ZNF804B: variants seen among roughly 807,000 people sequenced by gnomAD.
The protein encoded by ZNF804B is zinc finger protein 804B.
Under a neutral mutation model 101.4 loss-of-function variants are expected in ZNF804B, and 80 were observed. The observed-to-expected ratio is 0.79, with a 90% CI of 0.66 to 0.95. ZNF804B has a LOEUF of 0.95. ZNF804B is among the 40% of genes least tolerant of loss of function. The pLI is 0.00. For missense variants in ZNF804B, 1,673 were observed against 1,561.9 expected, an observed-to-expected ratio of 1.07 and a Z score of -1.20; for synonymous variants, 622 against 558.8, an observed-to-expected ratio of 1.11 and a Z score of -1.59.
intron 1 of ZNF804B, among the ~76,000 whole-genome samples, chr7:89,200,379 C>T (rs564210904): frequency 6.6e-6 from 1 of 151,890 alleles, no homozygotes; most frequent in Admixed American, 6.6e-5. Flanking sequence ...TTATTTCCAC[C>T]CTTAGGATTC....
At chr7:89,052,527 A>T (rs1789222967) in intron 1 of ZNF804B, among the ~76,000 whole-genome samples, 1 of 152,170 alleles carries the variant, frequency 6.6e-6, no homozygotes, top group Admixed American at 6.6e-5. Context: ...GAACATTACA[A>T]TTTAAAAGTA....
intron 1 of ZNF804B, among the ~76,000 whole-genome samples, chr7:89,032,341 G>A (rs2116233128): frequency 6.6e-6 from 1 of 151,684 alleles, no homozygotes; most frequent in African/African-American, 2.4e-5. Flanking sequence ...ATGAGTTAAG[G>A]GGGATAAATT....
intron 1 of ZNF804B, among the ~76,000 whole-genome samples, chr7:88,992,045 T>C (rs1793855477): frequency 6.6e-6 from 1 of 152,130 alleles, no homozygotes; most frequent in Non-Finnish European, 1.5e-5. Flanking sequence ...TTCTTCTATA[T>C]CAGCTCTTTC....
intron 1 of ZNF804B, among the ~76,000 whole-genome samples, chr7:89,193,289 G>C (rs534075320): frequency 1.2e-3 from 169 of 145,624 alleles, no homozygotes; most frequent in Admixed American, 1.9e-3. Flanking sequence ...TTTTTTTATA[G>C]TCTACTTTCT....
chr7:88,791,418 C>T (rs2115683553), intron 1 of ZNF804B, among the ~76,000 whole-genome samples: 1 of 152,110 alleles, frequency 6.6e-6, no homozygotes, highest in African/African-American at 2.4e-5. Flanking sequence ...TCATAGTGAG[C>T]CTTCATGAAT....
intron 2 of ZNF804B, among the ~76,000 whole-genome samples, chr7:89,230,193 A>G (rs1426833980): frequency 6.6e-6 from 1 of 152,024 alleles, no homozygotes; most frequent in Non-Finnish European, 1.5e-5. Flanking sequence ...CAATAACACT[A>G]AAAATAAGAA....
chr7:89,088,558 G>T (rs908531753), intron 1 of ZNF804B, among the ~76,000 whole-genome samples: 1 of 149,730 alleles, frequency 6.7e-6, no homozygotes, highest in African/African-American at 2.5e-5. Flanking sequence ...TTTATTCATC[G>T]CCCTAGGTCC....
chr7:89,186,614 T>A (rs1788378744), intron 1 of ZNF804B, among the ~76,000 whole-genome samples: 1 of 151,584 alleles, frequency 6.6e-6, no homozygotes, highest in South Asian at 2.1e-4. Flanking sequence ...AGTGTTACTT[T>A]TTTTTTTTAC....
At chr7:89,064,184 G>C (rs1033970387) in intron 1 of ZNF804B, among the ~76,000 whole-genome samples, 1 of 152,098 alleles carries the variant, frequency 6.6e-6, no homozygotes, top group Non-Finnish European at 1.5e-5. Context: ...GTCCTACCTT[G>C]GGTCCAAATG....
At chr7:89,230,095 A>T (rs1432912187) in intron 2 of ZNF804B, among the ~76,000 whole-genome samples, 3 of 152,128 alleles carry the variant, frequency 2.0e-5, no homozygotes, top group Non-Finnish European at 4.4e-5. Flanking sequence ...TCAAAAATTG[A>T]TAATCTAAGA....
In ZNF804B at chr7:89,336,551, C is replaced by A. The variant is rs1280747311; in HGVS notation, c.3569C>A (p.Ser1190Tyr). 1.2e-6 allele frequency: 2 copies of A among 1,614,116 alleles called. No individual in the cohort carries two copies. Among genetic ancestry groups the A allele is most frequent in the Non-Finnish European group, 8.5e-7 (1 of 1,180,020 alleles). The change falls in exon 4 of 4, where the codon TCT becomes TAT. Residue 1190 changes from serine (S) to tyrosine (Y), a missense_variant. By Grantham distance (144) the Ser-to-Tyr change is moderately radical. Coordinates refer to ENST00000333190, the MANE Select transcript of ZNF804B (RefSeq NM_181646.5). ...CCTGCTGCAGGGCCTACTGCCTTCT[C>A]TCCGGCCTCAACCGTACAGACAGTT... The part of the protein sequence containing the change: ...VLPAAGPTAF[S>Y]PASTVQTVPV...
At chr7:89,298,526 T>C (rs1790427727) in intron 2 of ZNF804B, among the ~76,000 whole-genome samples, 1 of 151,504 alleles carries the variant, frequency 6.6e-6, no homozygotes, top group Non-Finnish European at 1.5e-5. Context: ...GTTTGGCTTT[T>C]TTAGTTCAGC....
intron 3 of ZNF804B, among the ~76,000 whole-genome samples, chr7:89,330,098 T>A (rs1185154860): frequency 6.6e-6 from 1 of 151,632 alleles, no homozygotes; most frequent in East Asian, 1.9e-4. Flanking sequence ...ATTATTTTAA[T>A]ATAAGTAAGA....
At chr7:88,928,506 G>A (rs1369553309) in intron 1 of ZNF804B, among the ~76,000 whole-genome samples, 1 of 152,096 alleles carries the variant, frequency 6.6e-6, no homozygotes, top group East Asian at 1.9e-4. Flanking sequence ...GGTGAGAAAA[G>A]CCCTAGATAT....
chr7:88,810,763 T>G (rs938016655), intron 1 of ZNF804B, among the ~76,000 whole-genome samples: 1 of 152,200 alleles, frequency 6.6e-6, no homozygotes, highest in African/African-American at 2.4e-5. Context: ...ACAAATGCAC[T>G]TTGTTAAATA....
chr7:88,938,852 T>A (rs1793012941), intron 1 of ZNF804B, among the ~76,000 whole-genome samples: 1 of 151,962 alleles, frequency 6.6e-6, no homozygotes, highest in Non-Finnish European at 1.5e-5. Context: ...TCAAAAATCC[T>A]CACTGACAGA....
intron 2 of ZNF804B, among the ~76,000 whole-genome samples, chr7:89,315,640 T>A (rs1329842778): frequency 2.0e-5 from 3 of 152,128 alleles, no homozygotes; most frequent in African/African-American, 7.2e-5. Context: ...TGATGGAGTT[T>A]TGTCATCTTG....
At chr7:88,807,485 A>G (rs751907352) in intron 1 of ZNF804B, among the ~76,000 whole-genome samples, 83 of 152,214 alleles carry the variant, frequency 5.5e-4, no homozygotes, top group Admixed American at 8.5e-4. Flanking sequence ...CGCTCTGAAT[A>G]CTTTATAACC....
chr7:89,168,681 A>AC (rs1253126667), intron 1 of ZNF804B, among the ~76,000 whole-genome samples: 10 of 112,472 alleles, frequency 8.9e-5, no homozygotes, highest in Non-Finnish European at 1.8e-4. Context: ...AGAGCTGAAT[A>AC]CTTTTTTTTT....
Sources: gnomAD v4.1 joint callset for allele counts (sites outside exome capture counted in the v4.1 genomes callset) on GRCh38, gnomAD v4.1.1 for gene constraint, MANE v1.5 for transcripts, NCBI Gene and HGNC (gene_info 2026-07-23, HGNC 2026-07-21) for gene names.